Variants in TTC34 observed in about 807,000 individuals in gnomAD.
TTC34 encodes the protein tetratricopeptide repeat domain 34.
In TTC34, 44 loss-of-function variants were observed where a neutral mutation model predicts 40.7. The observed-to-expected ratio is 1.08, with a 90% CI of 0.85 to 1.39. The LOEUF (loss-of-function observed/expected upper bound fraction) is 1.39, where lower values mean the gene tolerates loss of function less well. Among genes scored for constraint, TTC34 ranks in the 40% most tolerant of loss-of-function variants. TTC34 has a pLI of 0.00. For missense variants in TTC34, 884 were observed against 838.0 expected (o/e 1.05, Z -0.68); for synonymous variants, 422 against 398.6 (o/e 1.06, Z -0.70).
At chr1:2,775,894 G>A (rs1643107879) in intron 6 of TTC34, among the ~76,000 whole-genome samples, 1 of 136,784 alleles carries the variant, frequency 7.3e-6, no homozygotes, top group Non-Finnish European at 1.5e-5. Flanking sequence ...ATCCTCACCT[G>A]GGGATGGAAG....
chr1:2,680,284 C>CCT (rs1557603209), intron 6 of TTC34, among the ~76,000 whole-genome samples: 17 of 7,214 alleles, frequency 2.4e-3, no homozygotes, highest in South Asian at 0.02. Context: ...TCTGACCGAA[C>CCT]GGAGCAGCAC....
At chr1:2,687,798 C>T (rs1178511061) in intron 6 of TTC34, among the ~76,000 whole-genome samples, 1 of 150,220 alleles carries the variant, frequency 6.7e-6, no homozygotes, top group Non-Finnish European at 1.5e-5. Flanking sequence ...CCTGGGTCGG[C>T]ACCCACACCT....
chr1:2,645,350 T>C lies in TTC34; in HGVS notation c.2440A>G (p.Ile814Val). ...TGCCAGTGCGGTTGCCCTGAGTCGATTTTGATCAGCGCCTCCCCCACAGCA... is the reference window on the plus strand; with the variant it reads ...TGCCAGTGCGGTTGCCCTGAGTCGACTTTGATCAGCGCCTCCCCCACAGCA... Residue 814 changes from isoleucine to valine, a missense_variant, in exon 7 of 9, where the codon ATC (isoleucine) becomes GTC (valine). Physicochemically the swap from Ile to Val is conservative, Grantham distance 29. Coordinates refer to ENST00000401095, the Ensembl canonical transcript of TTC34. This position sits in a 1 kb window ranked among gnomAD's most constrained non-coding sequence, Gnocchi z 4.7. 6.5e-7 allele frequency: 1 copy of C among 1,528,416 alleles called. No homozygotes were observed. The highest frequency in any genetic ancestry group is 8.8e-7 in the Non-Finnish European group (1 of 1,142,044). 94.7% of individuals were successfully genotyped at this position (1,528,416 alleles called of 1,614,324 possible). A position where few individuals can be genotyped will look rare whatever the true frequency, so the allele number is the denominator to read the frequency against.
rs1424218866 is a variant in TTC34, at chr1:2,683,499, A to G, written c.2227-37936T>C. ...ACCAGGCGAGCATCTGACAGCCTGG[A>G]ACGGCACCCACACCACCAGGTGAGC... On this transcript the variant is annotated intron_variant, in intron 6 of 8. Coordinates refer to ENST00000401095, the Ensembl canonical transcript of TTC34. 5.5e-3 allele frequency among the ~76,000 whole-genome samples: 229 copies of G among 41,894 alleles called. 4 individuals are homozygous for G. Among genetic ancestry groups the G allele is most frequent in the Middle Eastern group, 0.032 (2 of 62 alleles). 27.5% of individuals were successfully genotyped at this position (41,894 alleles called of 152,430 possible).
At chr1:2,753,459 C>A (rs1181773971) in intron 6 of TTC34, among the ~76,000 whole-genome samples, 6 of 45,426 alleles carry the variant, frequency 1.3e-4, no homozygotes, top group Non-Finnish European at 2.9e-4. Flanking sequence ...GCCTGCACCC[C>A]CAGGTGTGCA....
rs12063186 is a variant in TTC34, at chr1:2,783,670, G to A, written c.2165C>T (p.Pro722Leu). The stretch of plus-strand genomic sequence containing the variant: ...TCCACACAGTGCCTGCACGTTCCCC[G>A]GCTCAGCCCGCAGCACTGTGTTGAA... Residue 722 changes from proline to leucine, a missense_variant, in exon 6 of 9, where the codon CCG (proline) becomes CTG (leucine). Physicochemically the swap from Pro to Leu is moderately conservative, Grantham distance 98 (BLOSUM62 -3). Transcript: ENST00000401095. 461 of 1,538,074 alleles carry A rather than the reference G, an allele frequency of 3.0e-4. 2 individuals carry two copies. In the African/African-American group the frequency reaches 5.1e-3, roughly 17 times the overall value.
At chr1:2,754,211 C>T (rs1641422532) in intron 6 of TTC34, among the ~76,000 whole-genome samples, 1 of 58,764 alleles carries the variant, frequency 1.7e-5, no homozygotes, top group Non-Finnish European at 2.9e-5. Flanking sequence ...TGGAACAGAA[C>T]CCACACCCCC....
At chr1:2,777,688 T>TGGGG (rs70956335) in intron 6 of TTC34, among the ~76,000 whole-genome samples, 33 of 120,738 alleles carry the variant, frequency 2.7e-4, no homozygotes, top group African/African-American at 6.5e-4. Flanking sequence ...GCAGAGGGCA[T>TGGGG]GGGGGGGGGG....
At chr1:2,688,380 G>T (rs1424030819) in intron 6 of TTC34, among the ~76,000 whole-genome samples, 25 of 151,572 alleles carry the variant, frequency 1.6e-4, no homozygotes, top group African/African-American at 5.3e-4. Flanking sequence ...GCCCAGGTGA[G>T]CATCTGACAG....
At chr1:2,750,845 A>G in intron 6 of TTC34, among the ~76,000 whole-genome samples, 1 of 127,732 alleles carries the variant, frequency 7.8e-6, no homozygotes, top group Non-Finnish European at 1.6e-5. Context: ...CAGTACCCAC[A>G]CACCCAGGTG....
chr1:2,694,894 C>T (rs1249623711), intron 6 of TTC34, among the ~76,000 whole-genome samples: 2 of 134,294 alleles, frequency 1.5e-5, no homozygotes, highest in East Asian at 4.4e-4. Flanking sequence ...ATCCGACAGC[C>T]TGGAACAGCA....
intron 6 of TTC34, among the ~76,000 whole-genome samples, chr1:2,697,731 GGT>G (rs1640934019): frequency 1.0e-5 from 1 of 98,614 alleles, no homozygotes. Flanking sequence ...CACACCCCCA[GGT>G]GAGCATCTGA....
chr1:2,749,013 C>T (rs1641233012), intron 6 of TTC34, among the ~76,000 whole-genome samples: 1 of 150,018 alleles, frequency 6.7e-6, no homozygotes, highest in African/African-American at 2.5e-5. Context: ...CCCAGGTGAG[C>T]ATCTGACAGC....
chr1:2,641,264 G>A (rs1638895399), exon 9 of TTC34: 5 of 1,321,808 alleles, frequency 3.8e-6, no homozygotes, highest in African/African-American at 1.5e-5. Context: ...GGGCAGGGCA[G>A]GTACCTCCCC....
intron 6 of TTC34, among the ~76,000 whole-genome samples, chr1:2,656,368 ACC>A (rs1557589942): frequency 5.9e-4 from 57 of 95,946 alleles, no homozygotes; most frequent in Non-Finnish European, 8.5e-4. Context: ...CTGGAACAGC[ACC>A]CACACCCACA....
At chr1:2,675,156 C>A (rs1186583336) in intron 6 of TTC34, among the ~76,000 whole-genome samples, 9 of 134,488 alleles carry the variant, frequency 6.7e-5, no homozygotes, top group Non-Finnish European at 1.0e-4. Context: ...TAGCAGCACC[C>A]ACACCCCCAG....
intron 6 of TTC34, among the ~76,000 whole-genome samples, chr1:2,751,539 C>A (rs1435309998): frequency 3.6e-3 from 121 of 33,240 alleles, no homozygotes; most frequent in Middle Eastern, 0.033. Flanking sequence ...CCCAGGTGAG[C>A]ATCTGACAGC....
chr1:2,787,646 C>A, exon 4 of TTC34: 1 of 1,549,934 alleles, frequency 6.5e-7, no homozygotes. Flanking sequence ...GGCGAGAGGC[C>A]TCGTCCTCTG....
At chr1:2,755,781 C>A (rs1364450484) in intron 6 of TTC34, among the ~76,000 whole-genome samples, 137 of 118,290 alleles carry the variant, frequency 1.2e-3, no homozygotes, top group East Asian at 3.3e-3. Context: ...ACGGCACCCA[C>A]ACCCCCAGGT....
Sources: gnomAD v4.1 joint callset for allele counts (sites outside exome capture counted in the v4.1 genomes callset) on GRCh38, gnomAD v4.1.1 for gene constraint, Gnocchi (gnomAD v3.1) non-coding constraint, MANE v1.5 for transcripts, NCBI Gene and HGNC (gene_info 2026-07-23, HGNC 2026-07-21) for gene names.